The following SIRPD variants were observed in gnomAD, a reference collection of about 807,000 sequenced individuals.
SIRPD encodes signal-regulatory protein delta.
In SIRPD, 21 loss-of-function variants were observed where a neutral mutation model predicts 18.0. The observed-to-expected ratio is 1.17, with a 90% confidence interval of 0.83 to 1.68. The LOEUF (loss-of-function observed/expected upper bound fraction) is 1.68, where lower values mean the gene tolerates loss of function less well. SIRPD is among the 40% of genes most tolerant of loss of function. SIRPD has a pLI of 0.00. For missense variants in SIRPD, 295 were observed against 238.4 expected, an observed-to-expected ratio of 1.24 and a Z score of -1.56; for synonymous variants, 106 against 92.9, an observed-to-expected ratio of 1.14 and a Z score of -0.81.
chr20:1,538,074 C>T (rs974951469), intron 2 of SIRPD, among the ~76,000 whole-genome samples: 1 of 152,148 alleles, frequency 6.6e-6, no homozygotes, highest in African/African-American at 2.4e-5. Context: ...GAGCAGCAGC[C>T]ACCTGCACAT....
At chr20:1,545,072 G>C (rs980415865) in intron 2 of SIRPD, among the ~76,000 whole-genome samples, 2 of 152,180 alleles carry the variant, frequency 1.3e-5, no homozygotes, top group Non-Finnish European at 2.9e-5. Context: ...CAACCTTGGT[G>C]AATCTGGCGA....
At chr20:1,547,502 C>T (rs1239482925) in intron 2 of SIRPD, among the ~76,000 whole-genome samples, 1 of 152,210 alleles carries the variant, frequency 6.6e-6, no homozygotes, top group Non-Finnish European at 1.5e-5. Context: ...AGCGATCCTC[C>T]CATCTCAGCC....
chr20:1,537,590 G>A (rs554962116), intron 2 of SIRPD, among the ~76,000 whole-genome samples: 40 of 152,302 alleles, frequency 2.6e-4, no homozygotes, highest in Admixed American at 2.3e-3. Flanking sequence ...CTGCCATAGA[G>A]AACGGTGTGT....
chr20:1,556,224 G>C (rs2091040928), intron 1 of SIRPD, among the ~76,000 whole-genome samples: 1 of 152,226 alleles, frequency 6.6e-6, no homozygotes, highest in Non-Finnish European at 1.5e-5. Context: ...GGGTGGGATA[G>C]TTGGGAGTCA....
intron 2 of SIRPD, chr20:1,540,381 C>T (rs780145540): frequency 1.3e-4 from 57 of 453,616 alleles, no homozygotes; most frequent in African/African-American, 9.2e-4. Context: ...ACTTCATACA[C>T]CATACAATTT....
chr20:1,543,100 TG>T (rs1311200551), intron 2 of SIRPD, among the ~76,000 whole-genome samples: 3 of 152,206 alleles, frequency 2.0e-5, no homozygotes, highest in African/African-American at 7.2e-5. Flanking sequence ...TTTCTTTTTT[TG>T]TTGTGTCTCT....
At chr20:1,546,830 G>A (rs1037364783) in intron 2 of SIRPD, among the ~76,000 whole-genome samples, 1 of 152,130 alleles carries the variant, frequency 6.6e-6, no homozygotes. Flanking sequence ...TTTCCCTGAG[G>A]ATAAATTATG....
At chr20:1,546,230 C>T (rs560863174) in intron 2 of SIRPD, among the ~76,000 whole-genome samples, 1 of 152,198 alleles carries the variant, frequency 6.6e-6, no homozygotes, top group Non-Finnish European at 1.5e-5. Flanking sequence ...GCTGCCCCTT[C>T]CCCCCGGTGC....
At chr20:1,544,748 T>C (rs1380045800) in intron 2 of SIRPD, among the ~76,000 whole-genome samples, 1 of 152,214 alleles carries the variant, frequency 6.6e-6, no homozygotes, top group South Asian at 2.1e-4. Context: ...TTTTGCTGTG[T>C]CTGGTACCAG....
At chr20:1,545,702 G>GT (rs1376555659) in intron 2 of SIRPD, among the ~76,000 whole-genome samples, 2 of 152,148 alleles carry the variant, frequency 1.3e-5, no homozygotes, top group African/African-American at 4.8e-5. Flanking sequence ...AGACATTCTG[G>GT]TTTTTGGAGT....
chr20:1,545,928 C>G (rs962206036), intron 2 of SIRPD, among the ~76,000 whole-genome samples: 1 of 152,206 alleles, frequency 6.6e-6, no homozygotes, highest in African/African-American at 2.4e-5. Context: ...ATCCTGTTTT[C>G]GTGGGTATCA....
At chr20:1,539,830 G>A (rs936699105) in intron 2 of SIRPD, among the ~76,000 whole-genome samples, 1 of 152,198 alleles carries the variant, frequency 6.6e-6, no homozygotes, top group Non-Finnish European at 1.5e-5. Flanking sequence ...CCAGTTGCCC[G>A]CAAGGATCTG....
chr20:1,537,463 G>A, intron 2 of SIRPD, 153 bp from the exon 3 acceptor site: 1 of 878,022 alleles, frequency 1.1e-6, no homozygotes, highest in Non-Finnish European at 1.7e-6. Context: ...AGGGTCCCAA[G>A]GTGCTTGGAG....
chr20:1,551,677 G>A lies in SIRPD; in HGVS notation c.421+14C>T. On this transcript the variant is annotated intron_variant, in intron 2 of 3. Coordinates refer to ENST00000381623, the MANE Select transcript of SIRPD (RefSeq NM_178460.3). ...TATACACCAGGGGGTATGGGGTATA[G>A]GAGACATACTCACCAGTAACAAACA... 1 of 1,598,108 alleles carries A rather than the reference G, an allele frequency of 6.3e-7. No individual in the cohort carries two copies. The highest frequency in any genetic ancestry group is 8.6e-7 in the Non-Finnish European group (1 of 1,168,500).
Position 1,556,269 on chromosome 20 carries a change from G to A in SIRPD, c.73+1312C>T, listed in dbSNP as rs1483091335. 3.3e-5 allele frequency among the ~76,000 whole-genome samples: 5 copies of A among 152,184 alleles called. No homozygotes were observed. In the East Asian group the frequency reaches 7.7e-4, roughly 23 times the overall value. On this transcript the variant is annotated intron_variant, in intron 1 of 3. Coordinates refer to ENST00000381623, the MANE Select transcript of SIRPD (RefSeq NM_178460.3). Reference sequence around the variant, plus strand: ...CTGTGTACCTCACCCAATAAGTACAGTTAAAAATTCAAGTGAGTTTTACTA... The same window carrying A: ...CTGTGTACCTCACCCAATAAGTACAATTAAAAATTCAAGTGAGTTTTACTA...
chr20:1,556,240 C>T (rs1202555822), intron 1 of SIRPD, among the ~76,000 whole-genome samples: 3 of 151,852 alleles, frequency 2.0e-5, no homozygotes, highest in Non-Finnish European at 4.4e-5. Context: ...AGTCACCTTA[C>T]AGTCTGTGTA....
intron 2 of SIRPD, 63 bp from the exon 3 acceptor site, chr20:1,537,373 A>G: frequency 6.5e-7 from 1 of 1,540,638 alleles, no homozygotes; most frequent in South Asian, 1.2e-5. Flanking sequence ...GATGGGAGGA[A>G]AGGGCTGTAG....
intron 1 of SIRPD, among the ~76,000 whole-genome samples, chr20:1,553,793 T>G (rs957723492): frequency 6.6e-6 from 1 of 152,200 alleles, no homozygotes; most frequent in Admixed American, 6.5e-5. Context: ...AATGGCTTAC[T>G]AGAAAGGCTA....
At chr20:1,541,796 A>G (rs1042113572) in intron 2 of SIRPD, among the ~76,000 whole-genome samples, 1 of 152,182 alleles carries the variant, frequency 6.6e-6, no homozygotes. Context: ...TCTTTAATTC[A>G]TATTGAGTTA....
Sources: allele counts gnomAD v4.1 joint callset (sites outside exome capture counted in the v4.1 genomes callset), GRCh38; gene constraint gnomAD v4.1.1; transcripts MANE v1.5; gene names NCBI Gene and HGNC (gene_info 2026-07-23, HGNC 2026-07-21).